The following RTN1 variants were observed in gnomAD, a reference collection of about 807,000 sequenced individuals.
RTN1 encodes reticulon 1.
Under a neutral mutation model 65.5 loss-of-function variants are expected in RTN1, and 25 were observed. The ratio of observed to expected loss-of-function variants is 0.38; its 90% confidence interval spans 0.28 to 0.53. The LOEUF (loss-of-function observed/expected upper bound fraction) is 0.53. RTN1 is among the 20% of genes least tolerant of loss of function. RTN1 has a pLI of 0.79. For missense variants in RTN1, 983 were observed against 1,025.4 expected, an observed-to-expected ratio of 0.96 and a Z score of 0.57; for synonymous variants, 471 against 447.6, an observed-to-expected ratio of 1.05 and a Z score of -0.66.
At chr14:59,736,214 C>T (rs1346717217) in intron 2 of RTN1, among the ~76,000 whole-genome samples, 1 of 151,962 alleles carries the variant, frequency 6.6e-6, no homozygotes, top group African/African-American at 2.4e-5. Context: ...ACATGAAAAA[C>T]CCTTTAAAAA....
intron 1 of RTN1, among the ~76,000 whole-genome samples, chr14:59,865,526 A>T (rs1005869431): frequency 2.0e-5 from 3 of 152,190 alleles, no homozygotes; most frequent in Admixed American, 6.5e-5. Flanking sequence ...TCAAATAAGA[A>T]TTGAGAAGCC....
intron 3 of RTN1, among the ~76,000 whole-genome samples, chr14:59,725,305 A>T (rs184863231): frequency 2.6e-5 from 4 of 152,352 alleles, no homozygotes; most frequent in Non-Finnish European, 5.9e-5. Flanking sequence ...AGCACCGTGC[A>T]CACGGTGACT....
chr14:59,702,413 A>G (rs1884198730), intron 3 of RTN1, among the ~76,000 whole-genome samples: 1 of 152,198 alleles, frequency 6.6e-6, no homozygotes, highest in Non-Finnish European at 1.5e-5. Context: ...ATTTTAATAC[A>G]TTTTGATATA....
chr14:59,658,774 G>C (rs1883180261), intron 3 of RTN1, among the ~76,000 whole-genome samples: 1 of 152,142 alleles, frequency 6.6e-6, no homozygotes, highest in African/African-American at 2.4e-5. Context: ...CGAAGATGAG[G>C]AAAAACCAGC....
intron 3 of RTN1, among the ~76,000 whole-genome samples, chr14:59,673,730 T>C (rs1417415049): frequency 6.6e-6 from 1 of 151,900 alleles, no homozygotes; most frequent in Non-Finnish European, 1.5e-5. Context: ...GGCACAGAGG[T>C]CCTCGCTCCA....
intron 3 of RTN1, among the ~76,000 whole-genome samples, chr14:59,718,799 T>G (rs1293102301): frequency 6.6e-6 from 1 of 152,204 alleles, no homozygotes; most frequent in Non-Finnish European, 1.5e-5. Flanking sequence ...TTGTAAATAT[T>G]TTTGCATCTC....
rs1194010660 is a variant in RTN1 at position 59,750,396 on chromosome 14, AAT to A, written c.242-3917_242-3916del. Among the ~76,000 whole-genome samples the A allele has an allele frequency of 1.1e-4, 6 of 53,918 alleles. 1 individual carries two copies. Among genetic ancestry groups the A allele is most frequent in the African/African-American group, 2.2e-4 (3 of 13,786 alleles). The allele number at this position is 53,918 out of a possible 152,430, so 35.4% of individuals were successfully genotyped here. A position where few individuals can be genotyped will look rare whatever the true frequency, so the allele number is the denominator to read the frequency against. On this transcript the variant is annotated intron_variant, in intron 1 of 8. Coordinates refer to ENST00000267484, the MANE Select transcript of RTN1 (RefSeq NM_021136.3). ...TCTATATATTATATATTATATCTAT[AAT>A]ATATATATTATATGTATAATATATA... is the stretch of plus-strand genomic sequence containing the variant.
At chr14:59,692,688 A>C (rs902611836) in intron 3 of RTN1, among the ~76,000 whole-genome samples, 12 of 152,226 alleles carry the variant, frequency 7.9e-5, no homozygotes, top group African/African-American at 2.9e-4. Flanking sequence ...TAACCAAAAC[A>C]GCATGGTACT....
At chr14:59,765,025 G>A (rs529673941) in intron 1 of RTN1, among the ~76,000 whole-genome samples, 19 of 152,006 alleles carry the variant, frequency 1.2e-4, no homozygotes, top group African/African-American at 4.1e-4. Context: ...GTCCAGAGAC[G>A]TAAAATATTT....
At chr14:59,823,611 CG>C (rs1313469700) in intron 1 of RTN1, among the ~76,000 whole-genome samples, 33 of 152,092 alleles carry the variant, frequency 2.2e-4, no homozygotes, top group Non-Finnish European at 1.0e-4. Flanking sequence ...CCATCTCTTC[CG>C]GCTTACAAAG....
At position 59,836,216 on chromosome 14, in the gene RTN1, G is replaced by C. The variant is rs1887210184; in HGVS notation, c.241+34174C>G. Reference sequence around the variant, plus strand: ...TGCCAGATAAGGTAACATATTCACAGGTTCCAGGGATTAGACGTGGACACC... The same window carrying C: ...TGCCAGATAAGGTAACATATTCACACGTTCCAGGGATTAGACGTGGACACC... On this transcript the variant is annotated intron_variant, in intron 1 of 8. Transcript: ENST00000267484. The surrounding 1 kb of genome is among the most constrained non-coding windows in gnomAD (Gnocchi z 4.9). 6.6e-6 allele frequency among the ~76,000 whole-genome samples: 1 copy of C among 152,226 alleles called. No homozygotes were observed. Among genetic ancestry groups the C allele is most frequent in the Non-Finnish European group, 1.5e-5 (1 of 68,036 alleles).
intron 1 of RTN1, among the ~76,000 whole-genome samples, chr14:59,767,123 C>T (rs61985058): frequency 0.095 from 14,538 of 152,244 alleles, 885 homozygotes; most frequent in Middle Eastern, 0.15. Context: ...TTTAGTAAGT[C>T]CTCTCCCCAC....
intron 3 of RTN1, among the ~76,000 whole-genome samples, chr14:59,617,948 C>A (rs1882148268): frequency 6.6e-6 from 1 of 152,174 alleles, no homozygotes; most frequent in Non-Finnish European, 1.5e-5. Context: ...CCCATCTTCA[C>A]AGCCTACTCC....
chr14:59,793,171 C>A (rs572046303), intron 1 of RTN1, among the ~76,000 whole-genome samples: 1 of 152,304 alleles, frequency 6.6e-6, no homozygotes, highest in Non-Finnish European at 1.5e-5. Context: ...CTGGCATTCA[C>A]ATAGCTGCTT....
intron 1 of RTN1, among the ~76,000 whole-genome samples, chr14:59,848,494 A>C (rs1321756695): frequency 6.6e-6 from 1 of 152,244 alleles, no homozygotes; most frequent in Non-Finnish European, 1.5e-5. Flanking sequence ...ATTCAAAGTG[A>C]TATAACATAT....
intron 8 of RTN1, among the ~76,000 whole-genome samples, chr14:59,599,281 T>G (rs1334714529): frequency 6.6e-6 from 1 of 152,226 alleles, no homozygotes; most frequent in Non-Finnish European, 1.5e-5. Context: ...ATTAATTTCA[T>G]TTTATTGATT....
intron 3 of RTN1, among the ~76,000 whole-genome samples, chr14:59,655,810 T>A (rs552973892): frequency 6.6e-6 from 1 of 152,352 alleles, no homozygotes; most frequent in South Asian, 2.1e-4. Context: ...TTTGGACCTC[T>A]GCCTTACACC....
chr14:59,835,505 T>C (rs1213883264), intron 1 of RTN1, among the ~76,000 whole-genome samples: 1 of 152,212 alleles, frequency 6.6e-6, no homozygotes, highest in African/African-American at 2.4e-5. Context: ...AATAATTTCA[T>C]TCATTTATTC....
intron 3 of RTN1, among the ~76,000 whole-genome samples, chr14:59,688,260 C>T (rs904585166): frequency 6.6e-6 from 1 of 152,174 alleles, no homozygotes; most frequent in Non-Finnish European, 1.5e-5. Flanking sequence ...AGATCTCCAG[C>T]CATCTGGAAC....
Sources: allele counts gnomAD v4.1 joint callset (sites outside exome capture counted in the v4.1 genomes callset), GRCh38; gene constraint gnomAD v4.1.1; non-coding constraint Gnocchi (gnomAD v3.1); transcripts MANE v1.5; gene names NCBI Gene and HGNC (gene_info 2026-07-23, HGNC 2026-07-21).